Variants in PTPN3 observed in about 807,000 individuals in gnomAD.
PTPN3 encodes protein tyrosine phosphatase non-receptor type 3.
PTPN3 carries 96 observed loss-of-function variants against 132.7 expected under a neutral mutation model. That is an observed-to-expected ratio of 0.72 (90% confidence interval 0.61 to 0.86). The LOEUF is 0.86. Among genes scored for constraint, PTPN3 ranks in the 40% least tolerant of loss-of-function variants. The pLI is 0.00. For synonymous variants in PTPN3, 398 were observed against 429.0 expected (o/e 0.93, Z 0.89); for missense variants, 1,125 against 1,159.6 (o/e 0.97, Z 0.43).
chr9:109,378,444 T>TG lies in PTPN3; in HGVS notation c.*1111dup, dbSNP rs1042510149. 1 of 152,652 alleles carries TG rather than the reference T, an allele frequency of 6.6e-6. No individual in the cohort carries two copies. The highest frequency in any genetic ancestry group is 1.5e-5 in the Non-Finnish European group (1 of 68,038). The allele number at this position is 152,652 out of a possible 1,614,324, so 9.5% of individuals were successfully genotyped here. On this transcript the variant is annotated 3_prime_UTR_variant, in exon 26 of 26. Coordinates refer to ENST00000374541, the MANE Select transcript of PTPN3 (RefSeq NM_002829.4). Reference sequence around the variant, plus strand: ...GAAATGCAATGGAGACCATTGTGACTGGGGGTGAATGCACACATTTGTTCT... The same window carrying TG: ...GAAATGCAATGGAGACCATTGTGACTGGGGGGTGAATGCACACATTTGTTCT...
chr9:109,424,207 T>C (rs1843084108), intron 12 of PTPN3, among the ~76,000 whole-genome samples: 1 of 152,250 alleles, frequency 6.6e-6, no homozygotes, highest in Admixed American at 6.5e-5. Flanking sequence ...AATTTCTTTT[T>C]ATGTGGAACC....
At chr9:109,402,980 A>T (rs1841271711) in intron 19 of PTPN3, among the ~76,000 whole-genome samples, 1 of 152,190 alleles carries the variant, frequency 6.6e-6, no homozygotes, top group Non-Finnish European at 1.5e-5. Context: ...CAGGAGGCTG[A>T]GGTGGGAGGA....
At position 109,382,319 on chromosome 9, in the gene PTPN3, G is replaced by C. The variant is rs142937669; in HGVS notation, c.2511C>G (p.Pro837=). The change falls in exon 24 of 26, where the codon CCC becomes CCG. Residue 837 remains proline (P), a synonymous_variant. Coordinates refer to ENST00000374541, the MANE Select transcript of PTPN3 (RefSeq NM_002829.4). ...CGCCATACCTGCAGTGAACTAGGAC[G>C]GGCTCGCTGTCCACTCTCAGAGACC... ...YVRSLRVDSE[P]VLVHCSAGIG... 2.7e-5 allele frequency: 43 copies of C among 1,613,794 alleles called. No individual in the cohort carries two copies. The highest frequency in any genetic ancestry group is 3.4e-5 in the Non-Finnish European group (40 of 1,179,898).
intron 1 of PTPN3, among the ~76,000 whole-genome samples, chr9:109,494,353 C>T (rs934183127): frequency 4.6e-5 from 7 of 152,102 alleles, no homozygotes; most frequent in African/African-American, 1.4e-4. Flanking sequence ...GCCTGTAGTC[C>T]CAGGTGCGAG....
At chr9:109,529,672 A>G in the PTPN3 span, among the ~76,000 whole-genome samples, 1 of 152,198 alleles carries the variant, frequency 6.6e-6, no homozygotes, top group African/African-American at 2.4e-5. Context: ...CGTAATATAA[A>G]GTTTACCACC....
At chr9:109,418,845 T>C (rs1842700629) in intron 14 of PTPN3, among the ~76,000 whole-genome samples, 1 of 152,222 alleles carries the variant, frequency 6.6e-6, no homozygotes, top group Non-Finnish European at 1.5e-5. Context: ...AATTCTGTGA[T>C]GGGACTGCAA....
intron 1 of PTPN3, among the ~76,000 whole-genome samples, chr9:109,474,998 G>A (rs1282969821): frequency 1.3e-5 from 2 of 152,170 alleles, no homozygotes; most frequent in Non-Finnish European, 2.9e-5. Flanking sequence ...TAATTAGACT[G>A]ATTTTTTTAG....
At chr9:109,421,524 G>A (rs1356282399) in intron 13 of PTPN3, among the ~76,000 whole-genome samples, 1 of 152,156 alleles carries the variant, frequency 6.6e-6, no homozygotes, top group African/African-American at 2.4e-5. Flanking sequence ...AGCCACAGGA[G>A]CTCCGGGCCA....
intron 19 of PTPN3, among the ~76,000 whole-genome samples, 169 bp downstream of exon 19, chr9:109,404,279 C>A (rs1220070799): frequency 6.6e-6 from 1 of 152,202 alleles, no homozygotes; most frequent in Non-Finnish European, 1.5e-5. Context: ...AGGCCTCGCC[C>A]TGTCAGTCCT....
intron 7 of PTPN3, among the ~76,000 whole-genome samples, chr9:109,441,603 C>A (rs1048720836): frequency 6.6e-6 from 1 of 152,162 alleles, no homozygotes. Context: ...GTACAGACCT[C>A]TATGTGGCAC....
chr9:109,402,718 A>G (rs1182989131), intron 19 of PTPN3, among the ~76,000 whole-genome samples: 1 of 90,598 alleles, frequency 1.1e-5, no homozygotes, highest in Non-Finnish European at 2.1e-5. Flanking sequence ...CCTTTTATCC[A>G]GACTTCATTT....
At chr9:109,451,259 C>T (rs1845228280) in intron 5 of PTPN3, 4 of 984,942 alleles carry the variant, frequency 4.1e-6, no homozygotes, top group East Asian at 2.3e-4. Flanking sequence ...TCCTGGTGGC[C>T]CACCAGCTCT....
At chr9:109,454,656 G>T (rs1220204298) in intron 4 of PTPN3, 82 bp from the exon 5 acceptor site, 6 of 1,071,290 alleles carry the variant, frequency 5.6e-6, no homozygotes, top group Non-Finnish European at 8.5e-6. Context: ...CATAAGTGAT[G>T]CATTTTTTCA....
At chr9:109,405,224 C>A (rs778823174) in intron 18 of PTPN3, among the ~76,000 whole-genome samples, 2 of 152,176 alleles carry the variant, frequency 1.3e-5, no homozygotes, top group Non-Finnish European at 1.5e-5. Context: ...GACCACCCCC[C>A]CACAACTCCC....
At chr9:109,533,492 C>T in the PTPN3 span, 1 of 1,595,650 alleles carries the variant, frequency 6.3e-7, no homozygotes, top group Non-Finnish European at 8.6e-7. Context: ...GCGGCGGTAC[C>T]GACGTTGAGG....
intron 13 of PTPN3, among the ~76,000 whole-genome samples, chr9:109,422,434 C>G (rs1360977362): frequency 6.6e-6 from 1 of 152,168 alleles, no homozygotes; most frequent in African/African-American, 2.4e-5. Context: ...GTTTAATATG[C>G]TAATGTGTGC....
chr9:109,511,694 T>A, the PTPN3 span: 1 of 152,574 alleles, frequency 6.6e-6, no homozygotes, highest in Non-Finnish European at 1.5e-5. Context: ...GCCAACACAT[T>A]GCATCATGAG....
upstream of PTPN3, among the ~76,000 whole-genome samples, chr9:109,501,182 C>T (rs180929134): frequency 3.2e-4 from 48 of 152,262 alleles, no homozygotes; most frequent in East Asian, 8.1e-3. Flanking sequence ...AGCTCAAGTA[C>T]GATGAATATT....
intron 1 of PTPN3, among the ~76,000 whole-genome samples, chr9:109,487,941 G>A (rs1306189682): frequency 6.6e-6 from 1 of 152,108 alleles, no homozygotes; most frequent in East Asian, 1.9e-4. Context: ...GCAGAGCCTC[G>A]GTTTCTCCAT....
Sources: allele counts gnomAD v4.1 joint callset (sites outside exome capture counted in the v4.1 genomes callset), GRCh38; gene constraint gnomAD v4.1.1; transcripts MANE v1.5; gene names NCBI Gene and HGNC (gene_info 2026-07-23, HGNC 2026-07-21).